DDX4: variants seen among roughly 807,000 people sequenced by gnomAD.
DDX4 encodes the protein DEAD-box helicase 4, also known as probable ATP-dependent RNA helicase DDX4.
In DDX4, 25 loss-of-function variants were observed where a neutral mutation model predicts 100.0. The observed-to-expected ratio is 0.25, with a 90% confidence interval of 0.18 to 0.35. The LOEUF is 0.35. Ranked by LOEUF, DDX4 falls within the 10% of genes least tolerant of loss-of-function variation. DDX4 has a pLI of 1.00. For synonymous variants in DDX4, 259 were observed against 275.7 expected (o/e 0.94, Z 0.60); for missense variants, 635 against 882.4 (o/e 0.72, Z 3.55).
chr5:55,746,907 C>T (rs1259877554), intron 3 of DDX4, among the ~76,000 whole-genome samples: 1 of 152,112 alleles, frequency 6.6e-6, no homozygotes, highest in Non-Finnish European at 1.5e-5. Context: ...TTGTTGAAGT[C>T]CAAAACAGGA....
intron 8 of DDX4, 53 bp from the exon 9 acceptor site, chr5:55,781,013 T>C: frequency 6.6e-7 from 1 of 1,522,592 alleles, no homozygotes; most frequent in Non-Finnish European, 8.9e-7. Flanking sequence ...TACTGAACGA[T>C]TAAAAAACTT....
chr5:55,806,586 A>G (rs1326550274), intron 18 of DDX4, among the ~76,000 whole-genome samples: 4 of 152,170 alleles, frequency 2.6e-5, no homozygotes, highest in Non-Finnish European at 5.9e-5. Context: ...TTATGTACCC[A>G]GTAGTCATTC....
Position 55,752,452 on chromosome 5 carries a change from A to T in DDX4, c.127+6231A>T, listed in dbSNP as rs6874761. Among the ~76,000 whole-genome samples, 15 of 144,062 alleles carry T rather than the reference A, an allele frequency of 1.0e-4. No individual in the cohort carries two copies. In the East Asian group the frequency reaches 1.5e-3, roughly 14 times the overall value. 94.5% of individuals were successfully genotyped at this position (144,062 alleles called of 152,430 possible). A position where few individuals can be genotyped will look rare whatever the true frequency, so the allele number is the denominator to read the frequency against. ...TGCGGTGTTTGGTTTTTTGTTCTTG[A>T]GATAGTTTACTGAGAATGATGATTT... On this transcript the variant is annotated intron_variant, in intron 3 of 21. Transcript: ENST00000505374.
chr5:55,778,921 A>C (rs926288684), intron 7 of DDX4, among the ~76,000 whole-genome samples: 3 of 152,104 alleles, frequency 2.0e-5, no homozygotes, highest in African/African-American at 7.2e-5. Context: ...GGAAGACGAT[A>C]AGTTCCATTT....
intron 6 of DDX4, among the ~76,000 whole-genome samples, chr5:55,765,406 A>C: frequency 8.3e-6 from 1 of 121,002 alleles, no homozygotes. Flanking sequence ...AAAAAAAAAA[A>C]AAAAAAAATA....
intron 3 of DDX4, among the ~76,000 whole-genome samples, chr5:55,755,047 G>A (rs1759838351): frequency 6.6e-6 from 1 of 152,018 alleles, no homozygotes; most frequent in Non-Finnish European, 1.5e-5. Flanking sequence ...GAGAAATAGG[G>A]ATCCAATTTT....
chr5:55,798,660 C>T, intron 18 of DDX4, 89 bp downstream of exon 18: 1 of 1,275,882 alleles, frequency 7.8e-7, no homozygotes, highest in Non-Finnish European at 1.0e-6. Context: ...TTTGGTCTGA[C>T]TTTTCATAAG....
In DDX4 at chr5:55,812,488, C is replaced by T. The variant is rs375199469; in HGVS notation, c.1616-1185C>T. Among the ~76,000 whole-genome samples, 17 of 151,842 alleles carry T rather than the reference C, an allele frequency of 1.1e-4. No homozygotes were observed. In the East Asian group the frequency reaches 1.9e-3, roughly 17 times the overall value. On this transcript the variant is annotated intron_variant, in intron 18 of 21. Transcript: ENST00000505374. ...CTGAGGCAGGAGAATGGCGTGAACC[C>T]GGGAGGCGGAGGTTGCAGTGAGCCG...
chr5:55,813,629 C>T (rs1008380874), intron 18 of DDX4, 44 bp from the exon 19 acceptor site: 5 of 1,506,142 alleles, frequency 3.3e-6, no homozygotes, highest in African/African-American at 2.8e-5. Flanking sequence ...TTTTTCATTT[C>T]CTGATTTTGA....
rs761960174 is a variant in DDX4 at position 55,760,282 on chromosome 5, G to A, written c.205+5G>A. On this transcript the variant is annotated splice_donor_5th_base_variant and intron_variant, in intron 4 of 21. Coordinates refer to ENST00000505374, the MANE Select transcript of DDX4 (RefSeq NM_024415.3). ...GGCGGAATTTTGGAAACAGAGGTAA[G>A]CATCTTTGTCTTTCCTTAATCTCCT... 5.1e-6 allele frequency: 8 copies of A among 1,555,224 alleles called. No homozygotes were observed. Among genetic ancestry groups the A allele is most frequent in the Non-Finnish European group, 6.9e-6 (8 of 1,158,990 alleles).
In DDX4 at chr5:55,813,211, T is replaced by C. The variant is rs531326952; in HGVS notation, c.1616-462T>C. Among the ~76,000 whole-genome samples the C allele has an allele frequency of 6.6e-5, 10 of 152,264 alleles. No individual in the cohort carries two copies. In the East Asian group the frequency reaches 1.7e-3, roughly 26 times the overall value. ...GAATTAGAGATAATGTTTGGAACACTAATTATATAGAGTTAAGCAGCCCCA... is the reference window on the plus strand; with the variant it reads ...GAATTAGAGATAATGTTTGGAACACCAATTATATAGAGTTAAGCAGCCCCA... On this transcript the variant is annotated intron_variant, in intron 18 of 21. Transcript: ENST00000505374.
intron 3 of DDX4, among the ~76,000 whole-genome samples, chr5:55,752,001 A>G (rs558940847): frequency 3.3e-5 from 5 of 152,296 alleles, no homozygotes; most frequent in African/African-American, 1.2e-4. Context: ...TGTATGCAGT[A>G]TGAATATACC....
chr5:55,809,906 T>C (rs1419303050), intron 18 of DDX4, among the ~76,000 whole-genome samples: 2 of 152,166 alleles, frequency 1.3e-5, no homozygotes, highest in Non-Finnish European at 2.9e-5. Flanking sequence ...TTCAAGACTT[T>C]GATAAATATA....
intron 18 of DDX4, among the ~76,000 whole-genome samples, chr5:55,808,517 G>A (rs889020004): frequency 9.2e-5 from 14 of 152,298 alleles, no homozygotes; most frequent in Admixed American, 8.5e-4. Context: ...CTTTATGTTT[G>A]TTAGTTTTCC....
Position 55,781,970 on chromosome 5 carries a change from G to A in DDX4, c.614G>A (p.Gly205Glu), listed in dbSNP as rs1337661434. 6.2e-7 allele frequency: 1 copy of A among 1,614,054 alleles called. No homozygotes were observed. The highest frequency in any genetic ancestry group is 1.1e-5 in the South Asian group (1 of 91,070). The stretch of plus-strand genomic sequence containing the variant: ...ACTTCTCAAAGCAGAAGTGGCAGTG[G>A]AAGTGAACGAGGTAAGTTCTTATTT... ...GDTSQSRSGSGSERGGYKGLN... is the reference protein window; with the variant it reads ...GDTSQSRSGSESERGGYKGLN... The change falls in exon 10 of 22, where the codon GGA becomes GAA. Residue 205 changes from glycine to glutamate, a missense_variant. By Grantham distance (98) the Gly-to-Glu change is moderately conservative. Coordinates refer to ENST00000505374, the MANE Select transcript of DDX4 (RefSeq NM_024415.3).
intron 7 of DDX4, among the ~76,000 whole-genome samples, chr5:55,769,524 C>G (rs1235515994): frequency 6.6e-6 from 1 of 152,102 alleles, no homozygotes; most frequent in Non-Finnish European, 1.5e-5. Context: ...ATTACTTCAG[C>G]AGAATTTCAG....
chr5:55,738,831 G>T (rs1470161757), intron 1 of DDX4, 119 bp from the exon 2 acceptor site: 1 of 684,444 alleles, frequency 1.5e-6, no homozygotes. Flanking sequence ...AAACTTTTGG[G>T]GTATCAGCAC....
At chr5:55,766,799 C>T (rs1393798594) in intron 6 of DDX4, 4 of 988,408 alleles carry the variant, frequency 4.0e-6, no homozygotes, top group South Asian at 3.7e-5. Flanking sequence ...GTACAAAGAT[C>T]CCTTGAAACC....
intron 18 of DDX4, among the ~76,000 whole-genome samples, chr5:55,807,910 T>C (rs1206325718): frequency 6.6e-6 from 1 of 152,212 alleles, no homozygotes; most frequent in Non-Finnish European, 1.5e-5. Context: ...TCCTGCAGAG[T>C]GTTTTCCAAC....
Sources: allele counts gnomAD v4.1 joint callset (sites outside exome capture counted in the v4.1 genomes callset), GRCh38; gene constraint gnomAD v4.1.1; transcripts MANE v1.5; gene names NCBI Gene and HGNC (gene_info 2026-07-23, HGNC 2026-07-21).